Variants in PRDM2 observed in about 807,000 individuals in gnomAD.
PRDM2 encodes PR/SET domain 2, also known as PR domain zinc finger protein 2.
Under a neutral mutation model 130.0 loss-of-function variants are expected in PRDM2, and 30 were observed. The ratio of observed to expected loss-of-function variants is 0.23; its 90% CI spans 0.17 to 0.31. The LOEUF (loss-of-function observed/expected upper bound fraction) is 0.31, where lower values mean the gene tolerates loss of function less well. PRDM2 is among the 10% of genes least tolerant of loss of function. The probability of loss-of-function intolerance (pLI) is 1.00; values close to 1 mark genes in which losing one functional copy is unlikely to be tolerated. For synonymous variants in PRDM2, 871 were observed against 782.4 expected, an observed-to-expected ratio of 1.11 and a Z score of -1.89; for missense variants, 2,011 against 2,108.4, an observed-to-expected ratio of 0.95 and a Z score of 0.90.
chr1:13,823,318 C>A lies in PRDM2; in HGVS notation c.*183C>A. 1 of 1,087,704 alleles carries A rather than the reference C, an allele frequency of 9.2e-7. No individual in the cohort carries two copies. Among genetic ancestry groups the A allele is most frequent in the Non-Finnish European group, 1.4e-6 (1 of 730,894 alleles). The allele number at this position is 1,087,704 out of a possible 1,614,324, so 67.4% of individuals were successfully genotyped here. A position where few individuals can be genotyped will look rare whatever the true frequency, so the allele number is the denominator to read the frequency against. On this transcript the variant is annotated 3_prime_UTR_variant, in exon 10 of 10. Coordinates refer to ENST00000311066, the MANE Select transcript of PRDM2 (RefSeq NM_001393986.1). ...GTGTGTTCACGTGTTCTCGTGCGGG[C>A]GCGTGAGTGGTCTTCAAACGAGGGT...
chr1:13,797,892 C>T (rs1644946917), intron 8 of PRDM2, among the ~76,000 whole-genome samples: 2 of 152,182 alleles, frequency 1.3e-5, no homozygotes, highest in Admixed American at 6.5e-5. Flanking sequence ...TCACTCATCT[C>T]ATCACTTAAT....
At chr1:13,821,731 T>A (rs1002248300) in intron 9 of PRDM2, among the ~76,000 whole-genome samples, 2 of 152,090 alleles carry the variant, frequency 1.3e-5, no homozygotes, top group Non-Finnish European at 2.9e-5. Context: ...CCTCCCAAAG[T>A]GCTGTGATTA....
At chr1:13,700,428 G>T in intron 1 of PRDM2, 128 bp downstream of exon 1, 1 of 150,324 alleles carries the variant, frequency 6.7e-6, no homozygotes, top group South Asian at 1.9e-4. Context: ...TGGCCGGGTC[G>T]GCGGACGCGC....
At chr1:13,746,729 G>C (rs1428238242) in intron 5 of PRDM2, among the ~76,000 whole-genome samples, 1 of 151,866 alleles carries the variant, frequency 6.6e-6, no homozygotes, top group African/African-American at 2.4e-5. Context: ...GCTAATTTTT[G>C]TATTTTCAGT....
intron 6 of PRDM2, among the ~76,000 whole-genome samples, chr1:13,754,010 C>T (rs1025196132): frequency 7.9e-5 from 12 of 152,058 alleles, no homozygotes; most frequent in Non-Finnish European, 1.6e-4. Context: ...TAAACCTTGT[C>T]ATGTCAGTAG....
intron 1 of PRDM2, among the ~76,000 whole-genome samples, chr1:13,714,020 C>T (rs1642457734): frequency 6.6e-6 from 1 of 152,178 alleles, no homozygotes; most frequent in African/African-American, 2.4e-5. Context: ...AGGCGCCTGC[C>T]ACCACACCCA....
chr1:13,700,560 G>A (rs1214022547), intron 1 of PRDM2, among the ~76,000 whole-genome samples: 1 of 151,368 alleles, frequency 6.6e-6, no homozygotes, highest in African/African-American at 2.4e-5. Flanking sequence ...TCCCTGCGGC[G>A]AAGTTCGGGA....
intron 5 of PRDM2, among the ~76,000 whole-genome samples, chr1:13,744,774 C>T (rs1025867569): frequency 3.9e-5 from 6 of 152,126 alleles, no homozygotes; most frequent in Non-Finnish European, 5.9e-5. Context: ...GCAGACCTCC[C>T]CCAGTCTTTA....
At chr1:13,711,944 G>A (rs1363213849) in intron 1 of PRDM2, among the ~76,000 whole-genome samples, 1 of 151,406 alleles carries the variant, frequency 6.6e-6, no homozygotes, top group Non-Finnish European at 1.5e-5. Flanking sequence ...AACAGGTAGT[G>A]TAGAAAGAGA....
rs549571324 is a variant in PRDM2 at position 13,711,316 on chromosome 1, G to T, written c.-65-4225G>T. 1.1e-3 allele frequency among the ~76,000 whole-genome samples: 174 copies of T among 152,302 alleles called. 3 individuals are homozygous for T. In the South Asian group the frequency reaches 0.036, roughly 31 times the overall value. On this transcript the variant is annotated intron_variant, in intron 1 of 9. Transcript: ENST00000311066. Reference sequence around the variant, plus strand: ...GGATTGCCATGGCACTTCCACGGGGGTTTTGAGCAGTGCTGGAGGAATCTT... The same window carrying T: ...GGATTGCCATGGCACTTCCACGGGGTTTTTGAGCAGTGCTGGAGGAATCTT...
chr1:13,755,146 G>C (rs1643918431), intron 6 of PRDM2, among the ~76,000 whole-genome samples: 1 of 152,154 alleles, frequency 6.6e-6, no homozygotes, highest in Non-Finnish European at 1.5e-5. Context: ...CAGTTCTGCT[G>C]CTGCTACTGA....
intron 9 of PRDM2, among the ~76,000 whole-genome samples, chr1:13,818,076 C>G (rs1645286302): frequency 6.6e-6 from 1 of 152,296 alleles, no homozygotes; most frequent in East Asian, 1.9e-4. Context: ...CACCACCCCC[C>G]ACAGCCCTGC....
intron 2 of PRDM2, among the ~76,000 whole-genome samples, chr1:13,718,673 A>G (rs1642625778): frequency 6.6e-6 from 1 of 152,064 alleles, no homozygotes; most frequent in African/African-American, 2.4e-5. Flanking sequence ...CTTGCTCTGC[A>G]TGTGAGTCTT....
chr1:13,795,340 A>G (rs748056441), intron 8 of PRDM2, among the ~76,000 whole-genome samples: 3 of 152,222 alleles, frequency 2.0e-5, no homozygotes, highest in African/African-American at 4.8e-5. Context: ...CCATTTTACA[A>G]ATGGGGAAAC....
intron 6 of PRDM2, among the ~76,000 whole-genome samples, chr1:13,768,083 T>G (rs1331738935): frequency 1.3e-5 from 2 of 148,426 alleles, no homozygotes; most frequent in African/African-American, 5.0e-5. Context: ...AGTTTTTTTT[T>G]TTTTTTTTTT....
chr1:13,818,885 A>T (rs1185943884), intron 9 of PRDM2, among the ~76,000 whole-genome samples: 2 of 152,066 alleles, frequency 1.3e-5, no homozygotes, highest in Non-Finnish European at 2.9e-5. Flanking sequence ...AGTCTCATGG[A>T]ACAATGTTGA....
chr1:13,816,404 G>A (rs1214551724), intron 8 of PRDM2, 23 bp from the exon 9 acceptor site: 1 of 1,613,488 alleles, frequency 6.2e-7, no homozygotes, highest in African/African-American at 1.3e-5. Flanking sequence ...GTGACAATGT[G>A]TGTTGTTCCT....
At chr1:13,786,196 C>T (rs1644735222) in intron 8 of PRDM2, among the ~76,000 whole-genome samples, 1 of 152,000 alleles carries the variant, frequency 6.6e-6, no homozygotes, top group Admixed American at 6.6e-5. Context: ...ACCGAGTTCC[C>T]ATCGCAGTCA....
intron 7 of PRDM2, among the ~76,000 whole-genome samples, chr1:13,776,716 G>A (rs985235792): frequency 6.6e-6 from 1 of 152,176 alleles, no homozygotes; most frequent in Non-Finnish European, 1.5e-5. Context: ...AGGAGTTCTG[G>A]ACACAGCTGA....
Sources: gnomAD v4.1 joint callset for allele counts (sites outside exome capture counted in the v4.1 genomes callset) on GRCh38, gnomAD v4.1.1 for gene constraint, MANE v1.5 for transcripts, NCBI Gene and HGNC (gene_info 2026-07-23, HGNC 2026-07-21) for gene names.